TEK: variants seen among roughly 807,000 people sequenced by gnomAD.
The protein encoded by TEK is angiopoietin-1 receptor.
Under a neutral mutation model 131.8 loss-of-function variants are expected in TEK, and 43 were observed. The observed-to-expected ratio is 0.33, with a 90% CI of 0.26 to 0.42. The LOEUF (loss-of-function observed/expected upper bound fraction) is 0.42, where lower values mean the gene tolerates loss of function less well. Ranked by LOEUF, TEK falls within the 10% of genes least tolerant of loss-of-function variation. TEK has a pLI of 1.00. For missense variants in TEK, 1,162 were observed against 1,384.4 expected, an observed-to-expected ratio of 0.84 and a Z score of 2.55; for synonymous variants, 580 against 491.6, an observed-to-expected ratio of 1.18 and a Z score of -2.38.
chr9:27,173,493 G>C (rs1824042347), intron 6 of TEK, 131 bp downstream of exon 6: 1 of 1,121,458 alleles, frequency 8.9e-7, no homozygotes, highest in East Asian at 2.4e-5. Context: ...ACAGGATTTT[G>C]AATCATGGAT....
At chr9:27,186,322 G>A (rs1367778988) in intron 9 of TEK, among the ~76,000 whole-genome samples, 2 of 152,102 alleles carry the variant, frequency 1.3e-5, no homozygotes, top group Non-Finnish European at 2.9e-5. Context: ...TTTTAAATCC[G>A]CAAGTTACTT....
At chr9:27,162,383 G>A (rs2131129177) in intron 2 of TEK, among the ~76,000 whole-genome samples, 1 of 152,256 alleles carries the variant, frequency 6.6e-6, no homozygotes, top group Admixed American at 6.5e-5. Context: ...TTTTATCAAT[G>A]GCATCATCCA....
intron 1 of TEK, among the ~76,000 whole-genome samples, chr9:27,113,758 G>C (rs1290037881): frequency 6.6e-6 from 1 of 152,122 alleles, no homozygotes; most frequent in East Asian, 1.9e-4. Flanking sequence ...GTATAATCCT[G>C]TCTCTCAAAC....
intron 1 of TEK, among the ~76,000 whole-genome samples, chr9:27,151,740 C>T (rs1263479895): frequency 2.6e-5 from 4 of 152,206 alleles, no homozygotes; most frequent in Non-Finnish European, 4.4e-5. Flanking sequence ...ACTGCTGTGT[C>T]TCCAGGGCCA....
intron 14 of TEK, 110 bp from the exon 15 acceptor site, chr9:27,206,472 A>C: frequency 1.7e-6 from 2 of 1,207,186 alleles, no homozygotes; most frequent in Non-Finnish European, 2.4e-6. Context: ...GTCTAGAATT[A>C]AATACAGTAT....
chr9:27,116,117 C>T (rs1821549245), intron 1 of TEK, among the ~76,000 whole-genome samples: 8 of 152,016 alleles, frequency 5.3e-5, no homozygotes, highest in Admixed American at 5.2e-4. Context: ...GGTGAAACTG[C>T]AGGAGTTAGT....
chr9:27,222,608 AAACT>A (rs1226808547), intron 21 of TEK, among the ~76,000 whole-genome samples: 3 of 152,210 alleles, frequency 2.0e-5, no homozygotes, highest in African/African-American at 4.8e-5. Context: ...GTATCCAACC[AAACT>A]AAGCTACATA....
chr9:27,227,419 G>T (rs924303906), intron 21 of TEK, among the ~76,000 whole-genome samples: 2 of 152,164 alleles, frequency 1.3e-5, no homozygotes, highest in African/African-American at 4.8e-5. Flanking sequence ...TGTTAAACCT[G>T]TTGTCTTAGT....
intron 3 of TEK, 73 bp from the exon 4 acceptor site, chr9:27,169,404 A>G: frequency 1.2e-6 from 2 of 1,600,624 alleles, no homozygotes; most frequent in Non-Finnish European, 1.7e-6. Context: ...AAGCTAATTA[A>G]GTGGAGAAAC....
At chr9:27,169,163 T>C (rs1005601709) in intron 3 of TEK, among the ~76,000 whole-genome samples, 2 of 152,220 alleles carry the variant, frequency 1.3e-5, no homozygotes, top group Non-Finnish European at 2.9e-5. Context: ...CAGGGTTACC[T>C]ATCATTTTTC....
Position 27,181,277 on chromosome 9 carries a change from T to G in TEK, c.1030+909T>G, listed in dbSNP as rs142927024. 8.5e-5 allele frequency among the ~76,000 whole-genome samples: 13 copies of G among 152,304 alleles called. No homozygotes were observed. In the South Asian group the frequency reaches 1.7e-3, roughly 19 times the overall value. On this transcript the variant is annotated intron_variant, in intron 7 of 22. Coordinates refer to ENST00000380036, the MANE Select transcript of TEK (RefSeq NM_000459.5). ...TTTTATGCCTTCATGACATACCTTT[T>G]TCTTAATTTTTTTGGTATTTCTAGG...
At chr9:27,121,327 A>AAAAT (rs1001565497) in intron 1 of TEK, among the ~76,000 whole-genome samples, 9 of 152,196 alleles carry the variant, frequency 5.9e-5, no homozygotes, top group Non-Finnish European at 1.2e-4. Flanking sequence ...ACTCTGTCTC[A>AAAAT]AAATAAATAA....
At chr9:27,158,324 C>T (rs1013576648) in intron 2 of TEK, among the ~76,000 whole-genome samples, 182 bp downstream of exon 2, 10 of 152,070 alleles carry the variant, frequency 6.6e-5, no homozygotes, top group African/African-American at 2.4e-4. Flanking sequence ...ATAAAGGAGA[C>T]TACCCAGTCC....
intron 1 of TEK, among the ~76,000 whole-genome samples, chr9:27,121,574 CAT>C (rs1284224937): frequency 6.6e-6 from 1 of 150,538 alleles, no homozygotes; most frequent in African/African-American, 2.4e-5. Flanking sequence ...AAATTATTTA[CAT>C]ATATAAACAT....
chr9:27,180,385 C>G lies in TEK; in HGVS notation c.1030+17C>G. On this transcript the variant is annotated intron_variant, in intron 7 of 22. Transcript: ENST00000380036. Reference sequence around the variant, plus strand: ...AGAGAGAAGGTAAAGCAAGGTAACACTGTAGTCAGGGCCATGTTCAGCATG... The same window carrying G: ...AGAGAGAAGGTAAAGCAAGGTAACAGTGTAGTCAGGGCCATGTTCAGCATG... The G allele has an allele frequency of 1.2e-6, 2 of 1,609,972 alleles. No homozygotes were observed. The highest frequency in any genetic ancestry group is 1.7e-6 in the Non-Finnish European group (2 of 1,177,838).
Position 27,157,878 on chromosome 9 carries a change from C to G in TEK, c.100C>G (p.Leu34Val), listed in dbSNP as rs779625499. Residue 34 changes from leucine to valine, a missense_variant, in exon 2 of 23, where the codon CTT becomes GTT. Around this residue, in one of 6 missense-constraint regions of TEK, gnomAD observed 436 missense variants for 539.1 expected, o/e 0.81. Transcript: ENST00000380036. ...MDLILINSLPLVSDAETSLTC... is the reference protein window; with the variant it reads ...MDLILINSLPVVSDAETSLTC... ...CTTGATCTTGATCAATTCCCTACCT[C>G]TTGTATCTGATGCTGAAACATCTCT... 23 of 1,613,940 alleles carry G rather than the reference C, an allele frequency of 1.4e-5. No homozygotes were observed. The highest frequency in any genetic ancestry group is 1.9e-5 in the Non-Finnish European group (22 of 1,180,000).
At chr9:27,111,815 A>G (rs1003956834) in intron 1 of TEK, among the ~76,000 whole-genome samples, 15 of 152,122 alleles carry the variant, frequency 9.9e-5, no homozygotes, top group African/African-American at 3.4e-4. Context: ...GTGATTTATC[A>G]TAGTATCTTC....
chr9:27,175,910 T>A (rs1824153392), intron 6 of TEK, among the ~76,000 whole-genome samples: 1 of 152,200 alleles, frequency 6.6e-6, no homozygotes, highest in Non-Finnish European at 1.5e-5. Flanking sequence ...ATGAGTAGGT[T>A]GTGAAAATTT....
At chr9:27,124,243 A>G (rs2131047571) in intron 1 of TEK, among the ~76,000 whole-genome samples, 1 of 152,342 alleles carries the variant, frequency 6.6e-6, no homozygotes, top group African/African-American at 2.4e-5. Context: ...CAACATTTAT[A>G]ATTACTCCCA....
Sources: allele counts gnomAD v4.1 joint callset (sites outside exome capture counted in the v4.1 genomes callset), GRCh38; gene constraint gnomAD v4.1.1; regional missense constraint gnomAD v4.1.1; transcripts MANE v1.5; gene names NCBI Gene and HGNC (gene_info 2026-07-23, HGNC 2026-07-21).